GPR39: variants seen among roughly 807,000 people sequenced by gnomAD.
The protein encoded by GPR39 is zinc sensing receptor.
Under a neutral mutation model 18.4 loss-of-function variants are expected in GPR39, and 23 were observed. The observed-to-expected ratio is 1.25, with a 90% CI of 0.90 to 1.77. The LOEUF (loss-of-function observed/expected upper bound fraction) is 1.77, where lower values mean the gene tolerates loss of function less well. GPR39 is among the 40% of genes most tolerant of loss of function. The probability of loss-of-function intolerance (pLI) is 0.00; values close to 1 mark genes in which losing one functional copy is unlikely to be tolerated. For synonymous variants in GPR39, 280 were observed against 257.9 expected, an observed-to-expected ratio of 1.09 and a Z score of -0.82; for missense variants, 647 against 602.4, an observed-to-expected ratio of 1.07 and a Z score of -0.78.
intron 1 of GPR39, among the ~76,000 whole-genome samples, chr2:132,473,174 C>G (rs1056791371): frequency 2.6e-5 from 4 of 152,150 alleles, no homozygotes; most frequent in Non-Finnish European, 5.9e-5. Context: ...GAGTGCTGTT[C>G]TTCTTTTGTA....
At chr2:132,508,149 C>T (rs1264621567) in intron 1 of GPR39, among the ~76,000 whole-genome samples, 1 of 152,126 alleles carries the variant, frequency 6.6e-6, no homozygotes, top group Non-Finnish European at 1.5e-5. Flanking sequence ...TTAGCATAAA[C>T]TCAGATGCGG....
chr2:132,520,468 G>A (rs1679402158), intron 1 of GPR39, among the ~76,000 whole-genome samples: 1 of 152,322 alleles, frequency 6.6e-6, no homozygotes, highest in African/African-American at 2.4e-5. Context: ...TTGGGGAACT[G>A]CCTTTCCTCT....
chr2:132,528,912 C>T (rs141342233), intron 1 of GPR39, among the ~76,000 whole-genome samples: 1 of 152,126 alleles, frequency 6.6e-6, no homozygotes, highest in Non-Finnish European at 1.5e-5. Context: ...TGAATAGGAA[C>T]AGCTCCAGTC....
chr2:132,478,701 G>T (rs1260344077), intron 1 of GPR39, among the ~76,000 whole-genome samples: 1 of 152,212 alleles, frequency 6.6e-6, no homozygotes, highest in Admixed American at 6.5e-5. Flanking sequence ...TTGAACTTGG[G>T]AGGGAAGCTA....
At position 132,459,880 on chromosome 2, in the gene GPR39, G is replaced by A. The variant is rs572149653; in HGVS notation, c.856+41982G>A. Among the ~76,000 whole-genome samples the A allele has an allele frequency of 7.2e-5, 11 of 152,276 alleles. No individual in the cohort carries two copies. In the South Asian group the frequency reaches 2.3e-3, roughly 32 times the overall value. ...TGTCTCCAGGATTACGTAGATCAGT[G>A]ATCCTTCCAAAACGATACCTGCTAG... On this transcript the variant is annotated intron_variant, in intron 1 of 1. Coordinates refer to ENST00000329321, the MANE Select transcript of GPR39 (RefSeq NM_001508.3).
intron 1 of GPR39, among the ~76,000 whole-genome samples, chr2:132,445,161 G>A (rs1013292335): frequency 4.6e-5 from 5 of 107,752 alleles, no homozygotes; most frequent in African/African-American, 1.1e-4. Context: ...TAACTTACTC[G>A]TACATGTAAA....
At chr2:132,527,955 T>C (rs1679543651) in intron 1 of GPR39, among the ~76,000 whole-genome samples, 1 of 152,214 alleles carries the variant, frequency 6.6e-6, no homozygotes, top group African/African-American at 2.4e-5. Flanking sequence ...TTTGTCTGTT[T>C]TGCTTTTGTT....
chr2:132,458,119 C>T (rs1295605766), intron 1 of GPR39, among the ~76,000 whole-genome samples: 3 of 152,180 alleles, frequency 2.0e-5, no homozygotes, highest in Admixed American at 6.5e-5. Flanking sequence ...TGCTTCAGCT[C>T]ACCCTCTGTG....
chr2:132,594,095 A>G (rs1447936714), intron 1 of GPR39, among the ~76,000 whole-genome samples: 1 of 152,146 alleles, frequency 6.6e-6, no homozygotes, highest in Non-Finnish European at 1.5e-5. Flanking sequence ...GGGTGACTTT[A>G]CAATGTGAAC....
intron 1 of GPR39, among the ~76,000 whole-genome samples, chr2:132,619,856 CAG>C (rs771351804): frequency 2.4e-3 from 218 of 91,618 alleles, no homozygotes; most frequent in East Asian, 4.9e-3. Context: ...CACACACACA[CAG>C]ACACACACAC....
intron 1 of GPR39, among the ~76,000 whole-genome samples, chr2:132,632,021 A>G (rs1681659158): frequency 6.6e-6 from 1 of 151,962 alleles, no homozygotes; most frequent in Non-Finnish European, 1.5e-5. Flanking sequence ...GGGGCTTGCC[A>G]TATTGGCTGG....
chr2:132,603,454 A>G (rs569918175), intron 1 of GPR39, among the ~76,000 whole-genome samples: 97 of 152,340 alleles, frequency 6.4e-4, no homozygotes, highest in African/African-American at 2.1e-3. Flanking sequence ...CTAGTGTTCT[A>G]TAGCAGTGTA....
At chr2:132,529,471 T>G (rs893957372) in intron 1 of GPR39, among the ~76,000 whole-genome samples, 1 of 152,140 alleles carries the variant, frequency 6.6e-6, no homozygotes, top group Non-Finnish European at 1.5e-5. Flanking sequence ...TCTGCAGACT[T>G]AAATGTCGCT....
intron 1 of GPR39, among the ~76,000 whole-genome samples, chr2:132,624,242 T>C (rs1450256986): frequency 6.6e-6 from 1 of 152,210 alleles, no homozygotes; most frequent in Non-Finnish European, 1.5e-5. Context: ...TGTCTGTGCA[T>C]GTCTGTGTCC....
chr2:132,492,632 TAC>T (rs1681505160), intron 1 of GPR39, among the ~76,000 whole-genome samples: 2 of 138,976 alleles, frequency 1.4e-5, no homozygotes, highest in African/African-American at 2.7e-5. Flanking sequence ...ACAATATATA[TAC>T]ACACCATCTA....
chr2:132,633,598 C>A (rs900684541), intron 1 of GPR39, among the ~76,000 whole-genome samples: 1 of 152,088 alleles, frequency 6.6e-6, no homozygotes, highest in African/African-American at 2.4e-5. Flanking sequence ...TTCTAGTCAG[C>A]CTTCTCCTAG....
At chr2:132,482,606 G>A (rs1168198961) in intron 1 of GPR39, among the ~76,000 whole-genome samples, 1 of 152,162 alleles carries the variant, frequency 6.6e-6, no homozygotes, top group Non-Finnish European at 1.5e-5. Flanking sequence ...TCCTGGAGGG[G>A]AGGAATTGTG....
chr2:132,480,590 A>C (rs1011332734), intron 1 of GPR39, among the ~76,000 whole-genome samples: 1 of 152,082 alleles, frequency 6.6e-6, no homozygotes. Flanking sequence ...CTCAAGATAG[A>C]ATTAGTAGGA....
chr2:132,450,822 T>C (rs1283091991), intron 1 of GPR39, among the ~76,000 whole-genome samples: 1 of 152,242 alleles, frequency 6.6e-6, no homozygotes, highest in Admixed American at 6.5e-5. Flanking sequence ...AGTCTTCAAA[T>C]AGCTCCAGCA....
Sources: allele counts gnomAD v4.1 joint callset (sites outside exome capture counted in the v4.1 genomes callset), GRCh38; gene constraint gnomAD v4.1.1; transcripts MANE v1.5; gene names NCBI Gene and HGNC (gene_info 2026-07-23, HGNC 2026-07-21).